SCHIP1: variants seen among roughly 807,000 people sequenced by gnomAD.
The protein encoded by SCHIP1 is schwannomin interacting protein 1.
In SCHIP1, 8 loss-of-function variants were observed where a neutral mutation model predicts 29.7. The observed-to-expected ratio is 0.27, with a 90% confidence interval of 0.16 to 0.49. SCHIP1 has a LOEUF of 0.49. Ranked by LOEUF, SCHIP1 falls within the 20% of genes least tolerant of loss-of-function variation. The pLI is 0.99. For missense variants in SCHIP1, 193 were observed against 294.6 expected (o/e 0.66, Z 2.52); for synonymous variants, 76 against 94.9 (o/e 0.80, Z 1.16).
the SCHIP1 span, among the ~76,000 whole-genome samples, chr3:159,374,414 T>G: frequency 6.6e-6 from 1 of 152,268 alleles, no homozygotes; most frequent in South Asian, 2.1e-4. Flanking sequence ...CAAAGAGGCA[T>G]GCACATCTCT....
At chr3:159,408,477 G>A in the SCHIP1 span, among the ~76,000 whole-genome samples, 2 of 151,046 alleles carry the variant, frequency 1.3e-5, no homozygotes, top group Admixed American at 1.3e-4. Flanking sequence ...AATCAGTGAT[G>A]AAAAAGGAGA....
At chr3:159,296,644 G>A in the SCHIP1 span, among the ~76,000 whole-genome samples, 1 of 152,002 alleles carries the variant, frequency 6.6e-6, no homozygotes, top group South Asian at 2.1e-4. Flanking sequence ...GCATGGTGGG[G>A]GGATACCTGT....
upstream of SCHIP1, among the ~76,000 whole-genome samples, chr3:159,835,330 T>C (rs1187236912): frequency 6.6e-6 from 1 of 152,206 alleles, no homozygotes; most frequent in East Asian, 1.9e-4. Flanking sequence ...GGTCAGGAAC[T>C]GACTGGAAGG....
the SCHIP1 span, among the ~76,000 whole-genome samples, chr3:159,758,541 G>A: frequency 6.6e-6 from 1 of 152,136 alleles, no homozygotes; most frequent in Non-Finnish European, 1.5e-5. Flanking sequence ...ACAAGATTTT[G>A]GTTGAATTTT....
chr3:159,853,707 T>A (rs935852518), intron 1 of SCHIP1, among the ~76,000 whole-genome samples: 1 of 152,220 alleles, frequency 6.6e-6, no homozygotes, highest in African/African-American at 2.4e-5. Flanking sequence ...TTGAAAAAAT[T>A]CTATTATGCA....
At chr3:159,768,959 A>G in the SCHIP1 span, among the ~76,000 whole-genome samples, 41 of 152,350 alleles carry the variant, frequency 2.7e-4, no homozygotes, top group African/African-American at 9.6e-4. Context: ...TGCTTCTCAC[A>G]GTCCTGCCCT....
At chr3:159,505,806 AT>A in the SCHIP1 span, among the ~76,000 whole-genome samples, 1 of 152,184 alleles carries the variant, frequency 6.6e-6, no homozygotes, top group African/African-American at 2.4e-5. Flanking sequence ...TGAAATCACC[AT>A]TTTTTATGGC....
the SCHIP1 span, among the ~76,000 whole-genome samples, chr3:159,687,303 A>G: frequency 6.6e-6 from 1 of 152,106 alleles, no homozygotes; most frequent in African/African-American, 2.4e-5. Flanking sequence ...ATAGGAAAAA[A>G]GAGCTCTTTT....
chr3:159,691,634 C>T, the SCHIP1 span, among the ~76,000 whole-genome samples: 1,035 of 152,150 alleles, frequency 6.8e-3, 13 homozygotes, highest in African/African-American at 0.024. Context: ...GAATTTGATC[C>T]TGTCATTATG....
At chr3:159,503,542 A>G in the SCHIP1 span, among the ~76,000 whole-genome samples, 1 of 152,204 alleles carries the variant, frequency 6.6e-6, no homozygotes, top group Non-Finnish European at 1.5e-5. Flanking sequence ...AAAAGCCATG[A>G]GGGGATCTCC....
chr3:159,680,635 TATATTATATA>T, the SCHIP1 span, among the ~76,000 whole-genome samples: 1 of 62,604 alleles, frequency 1.6e-5, no homozygotes, highest in Admixed American at 2.8e-4. Flanking sequence ...ATATATTTTA[TATATTATATA>T]ATATATGTAT....
the SCHIP1 span, among the ~76,000 whole-genome samples, chr3:159,501,492 CA>C: frequency 6.6e-6 from 1 of 152,150 alleles, no homozygotes; most frequent in Non-Finnish European, 1.5e-5. Context: ...ACCAGATAAA[CA>C]GTGTCAGGAA....
the SCHIP1 span, among the ~76,000 whole-genome samples, chr3:159,367,111 A>G: frequency 6.6e-6 from 1 of 152,106 alleles, no homozygotes; most frequent in Non-Finnish European, 1.5e-5. Context: ...TCTTTGCCAT[A>G]CCCAACCTAT....
chr3:159,432,337 T>TGA, the SCHIP1 span, among the ~76,000 whole-genome samples: 4 of 70,610 alleles, frequency 5.7e-5, no homozygotes, highest in South Asian at 1.4e-3. Context: ...TGTGTGTGTG[T>TGA]GTGAGAGAGA....
chr3:159,557,888 T>A, the SCHIP1 span, among the ~76,000 whole-genome samples: 13 of 152,138 alleles, frequency 8.5e-5, no homozygotes, highest in Non-Finnish European at 1.8e-4. Flanking sequence ...ATAAGGCAAA[T>A]CCCATCCAGG....
the SCHIP1 span, among the ~76,000 whole-genome samples, chr3:159,791,526 G>T: frequency 2.6e-5 from 4 of 152,206 alleles, no homozygotes; most frequent in Non-Finnish European, 4.4e-5. Flanking sequence ...TCACAGCAGG[G>T]GTGCCCAAGG....
chr3:159,624,081 T>C, the SCHIP1 span, among the ~76,000 whole-genome samples: 1 of 152,142 alleles, frequency 6.6e-6, no homozygotes, highest in African/African-American at 2.4e-5. Flanking sequence ...TCTTGTGAAA[T>C]ATGTATAGTG....
the SCHIP1 span, among the ~76,000 whole-genome samples, chr3:159,663,105 G>T: frequency 6.6e-6 from 1 of 152,198 alleles, no homozygotes; most frequent in Non-Finnish European, 1.5e-5. Context: ...TTGTCACTCT[G>T]ATATTCTTTG....
chr3:159,892,423 T>C (rs891228144), intron 6 of SCHIP1: 5 of 597,130 alleles, frequency 8.4e-6, no homozygotes, highest in Non-Finnish European at 8.9e-6. Flanking sequence ...AGTGCATTAC[T>C]TCTCACATCT....
Sources: allele counts gnomAD v4.1 joint callset (sites outside exome capture counted in the v4.1 genomes callset), GRCh38; gene constraint gnomAD v4.1.1; transcripts MANE v1.5; gene names NCBI Gene and HGNC (gene_info 2026-07-23, HGNC 2026-07-21).